Variants in GALNT17 observed in about 807,000 individuals in gnomAD.
The protein encoded by GALNT17 is polypeptide N-acetylgalactosaminyltransferase 17.
In GALNT17, 29 loss-of-function variants were observed where a neutral mutation model predicts 63.7. The ratio of observed to expected loss-of-function variants is 0.46; its 90% CI spans 0.34 to 0.62. The LOEUF is 0.62. Ranked by LOEUF, GALNT17 falls within the 20% of genes least tolerant of loss-of-function variation. The probability of loss-of-function intolerance (pLI) is 0.01; values close to 1 mark genes in which losing one functional copy is unlikely to be tolerated. For missense variants in GALNT17, 603 were observed against 799.6 expected (o/e 0.75, Z 2.97); for synonymous variants, 305 against 318.3 (o/e 0.96, Z 0.45).
chr7:71,437,715 G>T (rs1353634313), intron 5 of GALNT17, among the ~76,000 whole-genome samples: 1 of 152,044 alleles, frequency 6.6e-6, no homozygotes, highest in Admixed American at 6.6e-5. Flanking sequence ...GTTTTTGTTT[G>T]TTTGTTTTAA....
chr7:71,425,200 G>T (rs185076483), intron 5 of GALNT17, among the ~76,000 whole-genome samples: 1 of 152,152 alleles, frequency 6.6e-6, no homozygotes, highest in Non-Finnish European at 1.5e-5. Context: ...TCTGCTTGGT[G>T]GTGCCAGTGT....
chr7:71,591,254 C>A (rs940681944), intron 6 of GALNT17, among the ~76,000 whole-genome samples: 3 of 152,058 alleles, frequency 2.0e-5, no homozygotes, highest in Non-Finnish European at 4.4e-5. Flanking sequence ...CAGGGTTTCA[C>A]CATGTTGGCC....
chr7:71,520,522 CA>C (rs931801390), intron 5 of GALNT17, among the ~76,000 whole-genome samples: 10 of 142,414 alleles, frequency 7.0e-5, no homozygotes, highest in Middle Eastern at 3.6e-3. Context: ...GACTCCGTCT[CA>C]AAAAAAAAAG....
chr7:71,652,239 A>G lies in GALNT17; in HGVS notation c.1081-13172A>G, dbSNP rs78753571. On this transcript the variant is annotated intron_variant, in intron 6 of 10. Coordinates refer to ENST00000333538, the MANE Select transcript of GALNT17 (RefSeq NM_022479.3). ...CATTGACTGGCAAGAGGATCCACGT[A>G]TTTAGAAGTTCTTACCACCGCGGTA... 6.1e-3 allele frequency among the ~76,000 whole-genome samples: 929 copies of G among 151,920 alleles called. 12 individuals carry two copies. The highest frequency in any genetic ancestry group is 0.021 in the African/African-American group (863 of 41,432).
chr7:71,186,341 G>A (rs1788850844), intron 1 of GALNT17, among the ~76,000 whole-genome samples: 1 of 152,178 alleles, frequency 6.6e-6, no homozygotes, highest in Non-Finnish European at 1.5e-5. Context: ...AGTTTATGGG[G>A]GTTTGGACTG....
intron 5 of GALNT17, among the ~76,000 whole-genome samples, chr7:71,525,367 GT>G (rs1788606240): frequency 2.0e-5 from 3 of 151,906 alleles, no homozygotes; most frequent in Admixed American, 2.0e-4. Context: ...GTTTGTTTTT[GT>G]TTTTGTTTTT....
intron 1 of GALNT17, among the ~76,000 whole-genome samples, chr7:71,195,944 A>G (rs1026781674): frequency 6.6e-6 from 1 of 151,994 alleles, no homozygotes; most frequent in Non-Finnish European, 1.5e-5. Context: ...AATCTTGCAT[A>G]CTAACTCCCT....
At chr7:71,697,359 T>C (rs576020166) in intron 9 of GALNT17, among the ~76,000 whole-genome samples, 3 of 152,198 alleles carry the variant, frequency 2.0e-5, no homozygotes, top group African/African-American at 4.8e-5. Flanking sequence ...GGTCTCAGAA[T>C]AGTCTGGAAT....
At chr7:71,692,367 T>C (rs1791459889) in intron 9 of GALNT17, among the ~76,000 whole-genome samples, 1 of 152,180 alleles carries the variant, frequency 6.6e-6, no homozygotes, top group South Asian at 2.1e-4. Context: ...AAGAAATATA[T>C]TGATTTGTTA....
At chr7:71,183,038 G>C (rs1788762048) in intron 1 of GALNT17, among the ~76,000 whole-genome samples, 12 of 152,184 alleles carry the variant, frequency 7.9e-5, no homozygotes, top group Admixed American at 7.9e-4. Flanking sequence ...GGGCATTGTG[G>C]ACCTTGCGGA....
chr7:71,328,229 G>T (rs1296892998), intron 1 of GALNT17, among the ~76,000 whole-genome samples: 2 of 152,182 alleles, frequency 1.3e-5, no homozygotes, highest in African/African-American at 2.4e-5. Flanking sequence ...AGTTATTGCT[G>T]TCTTTGCCAT....
At chr7:71,454,353 T>TG (rs1787318008) in intron 5 of GALNT17, among the ~76,000 whole-genome samples, 1 of 152,224 alleles carries the variant, frequency 6.6e-6, no homozygotes, top group Admixed American at 6.5e-5. Flanking sequence ...TTTAGTTTGC[T>TG]GAGGATAACG....
intron 9 of GALNT17, among the ~76,000 whole-genome samples, chr7:71,710,523 A>C (rs1791777029): frequency 6.6e-6 from 1 of 152,088 alleles, no homozygotes; most frequent in Non-Finnish European, 1.5e-5. Flanking sequence ...AAAAAGGAAA[A>C]AAGATCAGAG....
At chr7:71,257,287 G>A (rs910781899) in intron 1 of GALNT17, among the ~76,000 whole-genome samples, 1 of 152,138 alleles carries the variant, frequency 6.6e-6, no homozygotes, top group Admixed American at 6.6e-5. Flanking sequence ...ATGATAAAAA[G>A]TAATTAACCA....
intron 2 of GALNT17, among the ~76,000 whole-genome samples, chr7:71,343,588 C>G (rs1792042177): frequency 6.6e-6 from 1 of 152,078 alleles, no homozygotes; most frequent in Admixed American, 6.6e-5. Flanking sequence ...AGCTGTCAGT[C>G]TTTCCATTTT....
At chr7:71,371,422 TAA>T (rs1488682713) in intron 2 of GALNT17, among the ~76,000 whole-genome samples, 5 of 152,372 alleles carry the variant, frequency 3.3e-5, no homozygotes, top group East Asian at 1.9e-4. Flanking sequence ...CCTGTTTTTA[TAA>T]GTTTGTTAGC....
chr7:71,710,468 A>AT (rs1791776426), intron 9 of GALNT17, among the ~76,000 whole-genome samples: 1 of 152,200 alleles, frequency 6.6e-6, no homozygotes, highest in Admixed American at 6.5e-5. Flanking sequence ...AGATCGTGCC[A>AT]TTGCACTCCA....
chr7:71,429,490 C>T (rs1786820933), intron 5 of GALNT17, among the ~76,000 whole-genome samples: 1 of 152,162 alleles, frequency 6.6e-6, no homozygotes, highest in South Asian at 2.1e-4. Context: ...ATGGCTATTT[C>T]AAGGTGCAAA....
chr7:71,261,960 GA>G (rs1278823953), intron 1 of GALNT17, among the ~76,000 whole-genome samples: 1 of 152,100 alleles, frequency 6.6e-6, no homozygotes, highest in African/African-American at 2.4e-5. Flanking sequence ...CTCTTCCCGG[GA>G]GCCGTGAGCA....
Sources: allele counts gnomAD v4.1 joint callset (sites outside exome capture counted in the v4.1 genomes callset), GRCh38; gene constraint gnomAD v4.1.1; transcripts MANE v1.5; gene names NCBI Gene and HGNC (gene_info 2026-07-23, HGNC 2026-07-21).